PMM2: variants seen among roughly 807,000 people sequenced by gnomAD.
The protein encoded by PMM2 is phosphomannomutase 2, also known as mannose-6-phosphate isomerase.
In PMM2, 35 loss-of-function variants were observed where a neutral mutation model predicts 33.2. The observed-to-expected ratio is 1.06, with a 90% CI of 0.81 to 1.40. The LOEUF is 1.40. PMM2 is among the 40% of genes most tolerant of loss of function. The probability of loss-of-function intolerance (pLI) is 0.00; values close to 1 mark genes in which losing one functional copy is unlikely to be tolerated. For synonymous variants in PMM2, 153 were observed against 114.7 expected (o/e 1.33, Z -2.13); for missense variants, 386 against 306.0 (o/e 1.26, Z -1.95).
chr16:8,825,562 C>A (rs1438451113), intron 7 of PMM2, among the ~76,000 whole-genome samples: 1 of 151,868 alleles, frequency 6.6e-6, no homozygotes, highest in Non-Finnish European at 1.5e-5. Flanking sequence ...CCCACGTGAT[C>A]GCCCACCTCA....
chr16:8,806,587 G>C, intron 4 of PMM2, 180 bp downstream of exon 4: 1 of 629,952 alleles, frequency 1.6e-6, no homozygotes, highest in Non-Finnish European at 2.9e-6. Flanking sequence ...GCCGAGCTTG[G>C]AAATCCACAT....
rs535561330 is a variant in PMM2 at position 8,804,229 on chromosome 16, G to A, written c.179-538G>A. 3.4e-5 allele frequency among the ~76,000 whole-genome samples: 5 copies of A among 148,956 alleles called. No individual in the cohort carries two copies. In the East Asian group the frequency reaches 6.1e-4, roughly 18 times the overall value. ...AATTTTTTGTATTTTTAGTAGAGAC[G>A]GGGGTTTCACTATGTTGGCCAGGCT... is the stretch of plus-strand genomic sequence containing the variant. On this transcript the variant is annotated intron_variant, in intron 2 of 7. Transcript: ENST00000268261.
chr16:8,807,029 C>G (rs1462057651), intron 4 of PMM2: 1 of 154,796 alleles, frequency 6.5e-6, no homozygotes, highest in Admixed American at 6.3e-5. Context: ...GAGTCTCACT[C>G]TGTGGCCGAG....
At chr16:8,846,900 G>T (rs1160875415) in intron 7 of PMM2, among the ~76,000 whole-genome samples, 2 of 152,068 alleles carry the variant, frequency 1.3e-5, no homozygotes, top group African/African-American at 4.8e-5. Flanking sequence ...GTCTCCCTTT[G>T]TCGCCCAGGC....
chr16:8,831,820 G>T (rs558280600), intron 7 of PMM2, among the ~76,000 whole-genome samples: 1 of 152,282 alleles, frequency 6.6e-6, no homozygotes, highest in South Asian at 2.1e-4. Flanking sequence ...GACTATTAGG[G>T]ATTTAAATAT....
At chr16:8,810,251 G>T (rs1349029045) in intron 4 of PMM2, 1 of 152,176 alleles carries the variant, frequency 6.6e-6, no homozygotes, top group Non-Finnish European at 1.5e-5. Flanking sequence ...AGGCTCGTTG[G>T]ACAATTCTCA....
At chr16:8,803,717 A>G (rs1419343760) in intron 2 of PMM2, among the ~76,000 whole-genome samples, 1 of 151,826 alleles carries the variant, frequency 6.6e-6, no homozygotes, top group Non-Finnish European at 1.5e-5. Context: ...TATTTTTTTG[A>G]GACAGTCTTA....
chr16:8,815,872 C>T (rs1017644406), intron 7 of PMM2, among the ~76,000 whole-genome samples: 1 of 151,902 alleles, frequency 6.6e-6, no homozygotes, highest in African/African-American at 2.4e-5. Flanking sequence ...AAGCAACCTA[C>T]AGAGGGGAAG....
At chr16:8,831,838 C>T (rs982580520) in intron 7 of PMM2, among the ~76,000 whole-genome samples, 11 of 152,252 alleles carry the variant, frequency 7.2e-5, no homozygotes, top group South Asian at 2.1e-4. Context: ...TATTAATGCG[C>T]GGATTTCACT....
At position 8,819,696 on chromosome 16, in the gene PMM2, TA is replaced by T. The variant is rs5815501; in HGVS notation, c.639+6604del. Among the ~76,000 whole-genome samples, 826 of 139,960 alleles carry T rather than the reference TA, an allele frequency of 5.9e-3. 1 individual carries two copies. Among genetic ancestry groups the T allele is most frequent in the African/African-American group, 0.019 (726 of 37,836 alleles). 91.8% of individuals were successfully genotyped at this position (139,960 alleles called of 152,430 possible). On this transcript the variant is annotated intron_variant, in intron 7 of 7. Transcript: ENST00000268261. ...GGCAACAGAGCGAGACCTCGTCTCT[TA>T]AAAAAAAAAAAAACAATAAAAATTA...
chr16:8,804,240 T>C (rs188220079), intron 2 of PMM2, among the ~76,000 whole-genome samples: 1 of 148,554 alleles, frequency 6.7e-6, no homozygotes, highest in Non-Finnish European at 1.5e-5. Flanking sequence ...GGGGTTTCAC[T>C]ATGTTGGCCA....
chr16:8,817,123 A>T (rs986730999), intron 7 of PMM2, among the ~76,000 whole-genome samples: 2 of 152,172 alleles, frequency 1.3e-5, no homozygotes, highest in Non-Finnish European at 2.9e-5. Context: ...CACTACGATA[A>T]GCTCTCTCTC....
At chr16:8,843,712 T>C (rs980278991) in intron 7 of PMM2, among the ~76,000 whole-genome samples, 2 of 152,198 alleles carry the variant, frequency 1.3e-5, no homozygotes, top group African/African-American at 4.8e-5. Context: ...AATTAAGTCC[T>C]GTTGTGGAGT....
intron 2 of PMM2, among the ~76,000 whole-genome samples, chr16:8,803,791 C>T (rs558012692): frequency 5.9e-5 from 9 of 151,880 alleles, no homozygotes; most frequent in African/African-American, 1.7e-4. Context: ...TCAAGTGATT[C>T]GTGTGCCTCA....
Position 8,811,512 on chromosome 16 carries a change from C to T in PMM2, c.448-126C>T, listed in dbSNP as rs1464661711. The T allele has an allele frequency of 4.1e-6, 3 of 724,662 alleles. No individual in the cohort carries two copies. In the Admixed American group the frequency reaches 6.2e-5, roughly 15 times the overall value. The allele number at this position is 724,662 out of a possible 1,614,324, so 44.9% of individuals were successfully genotyped here. Reference sequence around the variant, plus strand: ...TCCAGCCTGGGCAACAGAGCAAGACCCCCATCTCAAAAACTAAACAAATAA... The same window carrying T: ...TCCAGCCTGGGCAACAGAGCAAGACTCCCATCTCAAAAACTAAACAAATAA... On this transcript the variant is annotated intron_variant, in intron 5 of 7. Coordinates refer to ENST00000268261, the MANE Select transcript of PMM2 (RefSeq NM_000303.3).
intron 7 of PMM2, among the ~76,000 whole-genome samples, chr16:8,835,293 A>G (rs12930892): frequency 0.29 from 43,028 of 150,600 alleles, 6,372 homozygotes; most frequent in African/African-American, 0.35. Flanking sequence ...GACACGATCA[A>G]CAGGGAGAGC....
At chr16:8,808,894 G>T (rs1234560252) in intron 4 of PMM2, 3 of 152,216 alleles carry the variant, frequency 2.0e-5, no homozygotes, top group African/African-American at 7.2e-5. Flanking sequence ...AGATTTTTAG[G>T]CTCGCATATT....
chr16:8,846,554 G>T (rs1010258650), intron 7 of PMM2, among the ~76,000 whole-genome samples: 1 of 152,084 alleles, frequency 6.6e-6, no homozygotes, highest in Non-Finnish European at 1.5e-5. Context: ...GGGGGTGATG[G>T]GGACACAGAT....
At chr16:8,818,583 A>T (rs960896153) in intron 7 of PMM2, among the ~76,000 whole-genome samples, 2 of 152,200 alleles carry the variant, frequency 1.3e-5, no homozygotes, top group Non-Finnish European at 2.9e-5. Context: ...TGAGGCTGTC[A>T]GTAAAAAAGC....
Sources: gnomAD v4.1 joint callset for allele counts (sites outside exome capture counted in the v4.1 genomes callset) on GRCh38, gnomAD v4.1.1 for gene constraint, MANE v1.5 for transcripts, NCBI Gene and HGNC (gene_info 2026-07-23, HGNC 2026-07-21) for gene names.